TMEM163: variants seen among roughly 807,000 people sequenced by gnomAD.
TMEM163 encodes the protein transmembrane protein 163.
A neutral mutation model predicts 29.3 loss-of-function variants in TMEM163; 17 were observed. The observed-to-expected ratio is 0.58, with a 90% CI of 0.40 to 0.87. The LOEUF (loss-of-function observed/expected upper bound fraction) is 0.87, where lower values mean the gene tolerates loss of function less well. Among genes scored for constraint, TMEM163 ranks in the 40% least tolerant of loss-of-function variants. The probability of loss-of-function intolerance (pLI) is 0.00; values close to 1 mark genes in which losing one functional copy is unlikely to be tolerated. For missense variants in TMEM163, 303 were observed against 381.5 expected (o/e 0.79, Z 1.71); for synonymous variants, 157 against 160.6 (o/e 0.98, Z 0.17).
chr2:134,458,085 C>A lies in TMEM163; in HGVS notation c.756G>T (p.Leu252=). ...VFKHDSAVWY[L]DGSIGVLIGL... ...CGATCAGAACGCCTATGCTGCCGTC[C>A]AGGTACCAGACCGCCGAGTCATGCT... Residue 252 remains leucine, a synonymous_variant, in exon 7 of 8, where the codon CTG becomes CTT. Transcript: ENST00000281924. The A allele has an allele frequency of 6.2e-7, 1 of 1,614,206 alleles. No homozygotes were observed. Among genetic ancestry groups the A allele is most frequent in the Non-Finnish European group, 8.5e-7 (1 of 1,180,038 alleles).
chr2:134,534,051 C>T (rs1680475195), intron 4 of TMEM163, among the ~76,000 whole-genome samples: 1 of 152,198 alleles, frequency 6.6e-6, no homozygotes, highest in African/African-American at 2.4e-5. Context: ...TCTGCAGTCA[C>T]TTCCCTGCCC....
chr2:134,713,720 T>C (rs4953925), intron 1 of TMEM163: 96,909 of 457,798 alleles, frequency 0.21, 12,680 homozygotes, highest in African/African-American at 0.43. Flanking sequence ...CACATTCAGC[T>C]GGGCCTTCAG....
chr2:134,593,936 G>A (rs1237632974), intron 2 of TMEM163, among the ~76,000 whole-genome samples: 3 of 151,960 alleles, frequency 2.0e-5, no homozygotes, highest in Non-Finnish European at 4.4e-5. Context: ...TCCTGCAGGG[G>A]AGGCATAGAA....
At chr2:134,480,118 T>C (rs61551361) in intron 5 of TMEM163, among the ~76,000 whole-genome samples, 20,536 of 152,194 alleles carry the variant, frequency 0.13, 1,651 homozygotes, top group Middle Eastern at 0.21. Context: ...AGACACGGTC[T>C]TTTCCAGCTC....
intron 2 of TMEM163, among the ~76,000 whole-genome samples, chr2:134,679,217 G>A (rs1684180762): frequency 6.6e-6 from 1 of 152,232 alleles, no homozygotes; most frequent in South Asian, 2.1e-4. Context: ...ACCAAGTGGT[G>A]TTTTAACAAT....
At chr2:134,524,343 T>C (rs1680248123) in intron 4 of TMEM163, among the ~76,000 whole-genome samples, 1 of 134,320 alleles carries the variant, frequency 7.4e-6, no homozygotes, top group Non-Finnish European at 1.6e-5. Flanking sequence ...TTAATATCGA[T>C]AACATTTAAT....
chr2:134,636,017 C>G (rs1046011551), intron 2 of TMEM163, among the ~76,000 whole-genome samples: 4 of 152,202 alleles, frequency 2.6e-5, no homozygotes, highest in Non-Finnish European at 5.9e-5. Flanking sequence ...CCTCTCCTGC[C>G]TCATGCATCT....
chr2:134,674,890 T>G (rs1471045193), intron 2 of TMEM163, among the ~76,000 whole-genome samples: 1 of 152,220 alleles, frequency 6.6e-6, no homozygotes, highest in Non-Finnish European at 1.5e-5. Context: ...TTGATCTTTG[T>G]AGCCAAAGCT....
chr2:134,521,003 CT>C lies in TMEM163; in HGVS notation c.459-18007del, dbSNP rs56291030. Among the ~76,000 whole-genome samples the C allele has an allele frequency of 6.2e-3, 911 of 146,314 alleles. 9 individuals carry two copies. The highest frequency in any genetic ancestry group is 0.019 in the African/African-American group (762 of 39,492). ...CCTTATGAAGCAAGGGCCTTGGGAA[CT>C]TTTTTTTTTTTTGAGAGGCAGCCTC... On this transcript the variant is annotated intron_variant, in intron 4 of 7. Transcript: ENST00000281924.
chr2:134,497,133 C>T (rs1427868495), intron 5 of TMEM163, among the ~76,000 whole-genome samples: 4 of 152,196 alleles, frequency 2.6e-5, no homozygotes, highest in African/African-American at 9.7e-5. Context: ...TAGCTGTTAT[C>T]ACTACATATT....
chr2:134,618,221 A>G (rs1682654101), intron 2 of TMEM163, among the ~76,000 whole-genome samples: 1 of 152,190 alleles, frequency 6.6e-6, no homozygotes. Flanking sequence ...ATGGAAAAAG[A>G]TTTACCATGC....
intron 2 of TMEM163, among the ~76,000 whole-genome samples, chr2:134,685,883 G>A (rs1243897067): frequency 6.6e-6 from 1 of 152,196 alleles, no homozygotes; most frequent in African/African-American, 2.4e-5. Flanking sequence ...TACAAGAAAT[G>A]GAGATTCCAA....
intron 4 of TMEM163, among the ~76,000 whole-genome samples, chr2:134,511,581 C>T (rs942681262): frequency 3.3e-5 from 5 of 152,210 alleles, no homozygotes; most frequent in African/African-American, 7.2e-5. Context: ...GATGATAGAA[C>T]AAGGCAGGAG....
At chr2:134,639,560 G>A (rs1238577443) in intron 2 of TMEM163, among the ~76,000 whole-genome samples, 1 of 152,204 alleles carries the variant, frequency 6.6e-6, no homozygotes, top group African/African-American at 2.4e-5. Context: ...CTAACAAAGA[G>A]GCTCACAGCA....
At chr2:134,561,243 G>A (rs1681174134) in intron 2 of TMEM163, among the ~76,000 whole-genome samples, 1 of 152,168 alleles carries the variant, frequency 6.6e-6, no homozygotes, top group South Asian at 2.1e-4. Context: ...TCGCTCTGTC[G>A]CCCAGGCTGG....
chr2:134,646,873 A>G (rs892563615), intron 2 of TMEM163, among the ~76,000 whole-genome samples: 2 of 152,228 alleles, frequency 1.3e-5, no homozygotes, highest in African/African-American at 4.8e-5. Flanking sequence ...GATAAGTCAT[A>G]TTCATAAACT....
intron 2 of TMEM163, among the ~76,000 whole-genome samples, chr2:134,560,674 G>A (rs906272132): frequency 4.6e-5 from 7 of 152,134 alleles, no homozygotes; most frequent in Admixed American, 2.0e-4. Context: ...AAAGCCAAGA[G>A]CCAACACAGA....
At chr2:134,490,888 T>C (rs1679414255) in intron 5 of TMEM163, among the ~76,000 whole-genome samples, 1 of 152,176 alleles carries the variant, frequency 6.6e-6, no homozygotes, top group Admixed American at 6.5e-5. Flanking sequence ...GCATTCAGTA[T>C]GATTCTCTCC....
intron 2 of TMEM163, among the ~76,000 whole-genome samples, chr2:134,604,946 GA>G (rs1682318258): frequency 6.6e-6 from 1 of 152,134 alleles, no homozygotes; most frequent in Non-Finnish European, 1.5e-5. Context: ...TTGGGAGGCT[GA>G]GGCAGGCAGA....
Sources: gnomAD v4.1 joint callset for allele counts (sites outside exome capture counted in the v4.1 genomes callset) on GRCh38, gnomAD v4.1.1 for gene constraint, MANE v1.5 for transcripts, NCBI Gene and HGNC (gene_info 2026-07-23, HGNC 2026-07-21) for gene names.